The following NR1I2 variants were observed in gnomAD, a reference collection of about 807,000 sequenced individuals.
The protein encoded by NR1I2 is nuclear receptor subfamily 1 group I member 2.
In NR1I2, 42 loss-of-function variants were observed where a neutral mutation model predicts 43.3. The observed-to-expected ratio is 0.97, with a 90% confidence interval of 0.76 to 1.26. NR1I2 has a LOEUF of 1.26. Ranked by LOEUF, NR1I2 falls within the 50% of genes most tolerant of loss-of-function variation. NR1I2 has a pLI of 0.00. For synonymous variants in NR1I2, 229 were observed against 215.0 expected (o/e 1.06, Z -0.57); for missense variants, 559 against 566.7 (o/e 0.99, Z 0.14).
intron 4 of NR1I2, among the ~76,000 whole-genome samples, 199 bp downstream of exon 4, chr3:119,811,925 C>T (rs888759349): frequency 1.5e-4 from 23 of 152,176 alleles, no homozygotes; most frequent in Admixed American, 1.1e-3. Flanking sequence ...AAAGTGTGGT[C>T]CCTGGGTCAG....
At chr3:119,787,223 G>T (rs1408080721) in intron 1 of NR1I2, among the ~76,000 whole-genome samples, 1 of 152,012 alleles carries the variant, frequency 6.6e-6, no homozygotes, top group East Asian at 1.9e-4. Context: ...AGAAGGTGGA[G>T]GTTGCAGTGA....
At position 119,817,283 on chromosome 3, in the gene NR1I2, C is replaced by G; in HGVS notation, c.*71C>G. ...GCCCTCTGAGCCGCCACTCCCGGGC[C>G]AAGACAGATGGACACTGCCAAGAGC... On this transcript the variant is annotated 3_prime_UTR_variant, in exon 9 of 9. Transcript: ENST00000393716. The G allele has an allele frequency of 2.5e-6, 4 of 1,606,666 alleles. No homozygotes were observed. The Admixed American group carries it at 5.0e-5, about 20-fold the overall frequency.
chr3:119,800,976 T>G (rs1184600060), intron 1 of NR1I2, among the ~76,000 whole-genome samples: 1 of 151,958 alleles, frequency 6.6e-6, no homozygotes, highest in Non-Finnish European at 1.5e-5. Flanking sequence ...AGAACACAGG[T>G]TTTGGAGTCA....
In NR1I2 at chr3:119,817,432, C is replaced by A; in HGVS notation, c.*220C>A. On this transcript the variant is annotated 3_prime_UTR_variant, in exon 9 of 9. Transcript: ENST00000393716. ...AGTCTGTAGGGAGTGAAGCCACAGA[C>A]TCTTACGTGGAGAGTGCACTGACCT... 1 of 1,419,892 alleles carries A rather than the reference C, an allele frequency of 7.0e-7. No individual in the cohort carries two copies. Among genetic ancestry groups the A allele is most frequent in the Non-Finnish European group, 9.2e-7 (1 of 1,085,120 alleles). 88.0% of individuals were successfully genotyped at this position (1,419,892 alleles called of 1,614,324 possible). A position where few individuals can be genotyped will look rare whatever the true frequency, so the allele number is the denominator to read the frequency against.
intron 1 of NR1I2, among the ~76,000 whole-genome samples, chr3:119,806,119 G>C (rs1218944985): frequency 6.6e-6 from 1 of 152,176 alleles, no homozygotes; most frequent in Non-Finnish European, 1.5e-5. Context: ...CATCTGTGGT[G>C]GTGTCTGCCC....
chr3:119,812,128 C>T (rs760244029), intron 4 of NR1I2, among the ~76,000 whole-genome samples: 4 of 151,788 alleles, frequency 2.6e-5, no homozygotes, highest in Admixed American at 6.6e-5. Context: ...GTGTTGCTGG[C>T]ATTCGGGGCT....
At chr3:119,815,246 C>A in intron 6 of NR1I2, 77 bp from the exon 7 acceptor site, 2 of 1,569,688 alleles carry the variant, frequency 1.3e-6, no homozygotes, top group Non-Finnish European at 1.8e-6. Context: ...TGGTGGAAAA[C>A]AAGATATTGG....
At chr3:119,813,489 G>C (rs774835739) in intron 5 of NR1I2, among the ~76,000 whole-genome samples, 2 of 152,158 alleles carry the variant, frequency 1.3e-5, no homozygotes, top group Non-Finnish European at 1.5e-5. Flanking sequence ...GGAACTTCCT[G>C]GGGTGGCAGG....
intron 6 of NR1I2, 79 bp from the exon 7 acceptor site, chr3:119,815,244 A>G: frequency 1.9e-6 from 3 of 1,572,382 alleles, no homozygotes; most frequent in South Asian, 1.1e-5. Context: ...AATGGTGGAA[A>G]ACAAGATATT....
rs373963149 is a variant in NR1I2 at position 119,810,047 on chromosome 3, C to G, written c.198-14C>G. 6 of 1,613,612 alleles carry G rather than the reference C, an allele frequency of 3.7e-6. No individual in the cohort carries two copies. In the Admixed American group the frequency reaches 8.3e-5, roughly 22 times the overall value. ...ACCCGTGCATCCCCCCTTCTGCTCC[C>G]CATTCTCTCACAGGAGGGCCATGAA... On this transcript the variant is annotated splice_polypyrimidine_tract_variant and intron_variant, in intron 2 of 8. Transcript: ENST00000393716.
Position 119,815,020 on chromosome 3 carries a change from C to A in NR1I2, c.836C>A (p.Ala279Asp). 1 of 1,614,182 alleles carries A rather than the reference C, an allele frequency of 6.2e-7. No homozygotes were observed. Among genetic ancestry groups the A allele is most frequent in the Non-Finnish European group, 8.5e-7 (1 of 1,180,036 alleles). ...GACCAGATCTCCCTGCTGAAGGGGG[C>A]CGCTTTCGAGCTGTGTCAACTGAGA... Residue 279 changes from alanine (A) to aspartate (D), a missense_variant, in exon 6 of 9, where the codon GCC becomes GAC. Ala to Asp is a moderately radical substitution (Grantham distance 126, BLOSUM62 -2). Coordinates refer to ENST00000393716, the MANE Select transcript of NR1I2 (RefSeq NM_003889.4).
chr3:119,785,442 C>T (rs181265822), intron 1 of NR1I2, among the ~76,000 whole-genome samples: 1 of 152,292 alleles, frequency 6.6e-6, no homozygotes, highest in Admixed American at 6.5e-5. Flanking sequence ...TGATTGCAGG[C>T]CTGTTGTTAA....
intron 1 of NR1I2, among the ~76,000 whole-genome samples, chr3:119,793,048 C>T (rs2054944143): frequency 6.6e-6 from 1 of 152,024 alleles, no homozygotes; most frequent in Non-Finnish European, 1.5e-5. Flanking sequence ...GAGCCCGGCA[C>T]CTCCTCTCTC....
rs190126008 is a variant in NR1I2 at position 119,808,475 on chromosome 3, C to T, written c.197+1028C>T. On this transcript the variant is annotated intron_variant, in intron 2 of 8. Coordinates refer to ENST00000393716, the MANE Select transcript of NR1I2 (RefSeq NM_003889.4). ...CAGGTATGTCCCTGAGCTGGGCACA[C>T]GCCACTTGACTGTGTGGAAGAGGGT... 1.8e-4 allele frequency among the ~76,000 whole-genome samples: 27 copies of T among 152,346 alleles called. No homozygotes were observed. In the East Asian group the frequency reaches 2.5e-3, roughly 14 times the overall value.
At position 119,815,397 on chromosome 3, in the gene NR1I2, G is replaced by A; in HGVS notation, c.1012G>A (p.Glu338Lys). ...GCTGAAGAAGCTGCAGCTGCATGAG[G>A]AGGAGTATGTGCTGATGCAGGCCAT... The change falls in exon 7 of 9, where the codon GAG (glutamate) becomes AAG (lysine). Residue 338 changes from glutamate to lysine, a missense_variant. Physicochemically the swap from Glu to Lys is moderately conservative, Grantham distance 56. Coordinates refer to ENST00000393716, the MANE Select transcript of NR1I2 (RefSeq NM_003889.4). 4 of 1,613,544 alleles carry A rather than the reference G, an allele frequency of 2.5e-6. No homozygotes were observed. Among genetic ancestry groups the A allele is most frequent in the Non-Finnish European group, 3.4e-6 (4 of 1,180,018 alleles).
chr3:119,803,623 A>G (rs746642633), intron 1 of NR1I2, among the ~76,000 whole-genome samples: 4 of 152,200 alleles, frequency 2.6e-5, no homozygotes, highest in Non-Finnish European at 4.4e-5. Context: ...GACCTTTTAC[A>G]AAGGACCTGA....
chr3:119,808,140 G>A (rs1220622125), intron 2 of NR1I2, among the ~76,000 whole-genome samples: 2 of 152,208 alleles, frequency 1.3e-5, no homozygotes, highest in Non-Finnish European at 2.9e-5. Context: ...GACACTTGTC[G>A]CCAATTGGTT....
intron 2 of NR1I2, 53 bp from the exon 3 acceptor site, chr3:119,810,008 C>T: frequency 6.2e-7 from 1 of 1,611,854 alleles, no homozygotes; most frequent in Non-Finnish European, 8.5e-7. Flanking sequence ...GAGCCCCAGG[C>T]CGAGGGCCCG....
chr3:119,811,485 G>A, intron 3 of NR1I2, 54 bp from the exon 4 acceptor site: 1 of 1,539,094 alleles, frequency 6.5e-7, no homozygotes, highest in Middle Eastern at 1.9e-4. Flanking sequence ...TCTCCAGGGG[G>A]CTGGAGGCTC....
Sources: allele counts gnomAD v4.1 joint callset (sites outside exome capture counted in the v4.1 genomes callset), GRCh38; gene constraint gnomAD v4.1.1; transcripts MANE v1.5; gene names NCBI Gene and HGNC (gene_info 2026-07-23, HGNC 2026-07-21).